Variants in CLSTN2 observed in about 807,000 individuals in gnomAD.
CLSTN2 encodes calsyntenin-2.
CLSTN2 carries 48 observed loss-of-function variants against 101.2 expected under a neutral mutation model. The observed-to-expected ratio is 0.47, with a 90% CI of 0.38 to 0.60. CLSTN2 has a LOEUF of 0.60. CLSTN2 is among the 20% of genes least tolerant of loss of function. The pLI is 0.00. For missense variants in CLSTN2, 1,160 were observed against 1,238.2 expected, an observed-to-expected ratio of 0.94 and a Z score of 0.95; for synonymous variants, 481 against 463.6, an observed-to-expected ratio of 1.04 and a Z score of -0.48.
In CLSTN2 at chr3:140,518,255, A is replaced by AAGGC. The variant is rs772745178; in HGVS notation, c.1345-14069_1345-14068insAGGC. Reference sequence around the variant, plus strand: ...TGAGAAAGCAAGCAGGGCTTTCAGGATTTATGCCTTCCCACCTGTAGCAAC... The same window carrying AAGGC: ...TGAGAAAGCAAGCAGGGCTTTCAGGAAGGCTTTATGCCTTCCCACCTGTAGCAAC... On this transcript the variant is annotated intron_variant, in intron 8 of 16. Coordinates refer to ENST00000458420, the MANE Select transcript of CLSTN2 (RefSeq NM_022131.3). 2.0e-3 allele frequency among the ~76,000 whole-genome samples: 309 copies of AAGGC among 152,266 alleles called. 3 individuals carry two copies. Among genetic ancestry groups the AAGGC allele is most frequent in the Admixed American group, 3.5e-3 (53 of 15,304 alleles).
intron 2 of CLSTN2, among the ~76,000 whole-genome samples, chr3:140,182,823 GT>G (rs2010429919): frequency 6.6e-6 from 1 of 152,190 alleles, no homozygotes; most frequent in African/African-American, 2.4e-5. Context: ...ATTGGAAGGA[GT>G]TTACTGGCAG....
chr3:140,198,806 C>T (rs2010681919), intron 2 of CLSTN2, among the ~76,000 whole-genome samples: 1 of 152,180 alleles, frequency 6.6e-6, no homozygotes, highest in African/African-American at 2.4e-5. Flanking sequence ...GGCTCTAAAA[C>T]AGTGGCTGAA....
intron 2 of CLSTN2, among the ~76,000 whole-genome samples, chr3:140,334,848 G>T (rs148287638): frequency 6.6e-6 from 1 of 152,322 alleles, no homozygotes; most frequent in East Asian, 1.9e-4. Flanking sequence ...CTTGAAGCCA[G>T]TCCAGCAATC....
chr3:140,362,318 A>G (rs1051540643), intron 2 of CLSTN2, among the ~76,000 whole-genome samples: 1 of 152,212 alleles, frequency 6.6e-6, no homozygotes. Flanking sequence ...AAAATGGATC[A>G]TTAATTAACT....
chr3:140,075,698 G>A (rs2008475321), intron 1 of CLSTN2, among the ~76,000 whole-genome samples: 2 of 152,152 alleles, frequency 1.3e-5, no homozygotes, highest in Admixed American at 6.5e-5. Context: ...AGTTGTTGTT[G>A]GGATGCAGAA....
At chr3:140,547,432 C>T (rs1013845793) in intron 10 of CLSTN2, among the ~76,000 whole-genome samples, 16 of 151,642 alleles carry the variant, frequency 1.1e-4, no homozygotes, top group African/African-American at 3.6e-4. Context: ...TAAGATCGCA[C>T]CAATGCACTC....
chr3:140,175,187 A>G (rs565151133), intron 1 of CLSTN2, among the ~76,000 whole-genome samples: 2 of 152,192 alleles, frequency 1.3e-5, no homozygotes, highest in Non-Finnish European at 2.9e-5. Flanking sequence ...TGAGATTCTA[A>G]GTGTTAGGAT....
Position 140,352,889 on chromosome 3 carries a change from G to A in CLSTN2, c.233-50740G>A, listed in dbSNP as rs1451699553. 4.6e-5 allele frequency among the ~76,000 whole-genome samples: 7 copies of A among 151,998 alleles called. No homozygotes were observed. The East Asian group carries it at 1.3e-3, about 29-fold the overall frequency. On this transcript the variant is annotated intron_variant, in intron 2 of 16. Transcript: ENST00000458420. The stretch of plus-strand genomic sequence containing the variant: ...TACTCAAGTTGCTAGTAATACAGTT[G>A]GCCCTCCATATCCATAAGTTCCTCA...
At chr3:139,985,809 T>C (rs1278298700) in intron 1 of CLSTN2, among the ~76,000 whole-genome samples, 2 of 152,232 alleles carry the variant, frequency 1.3e-5, no homozygotes, top group Non-Finnish European at 2.9e-5. Flanking sequence ...TAGGGCTTCC[T>C]TGGATTATGG....
intron 2 of CLSTN2, among the ~76,000 whole-genome samples, chr3:140,288,629 G>T (rs866890053): frequency 5.3e-5 from 8 of 152,070 alleles, no homozygotes; most frequent in South Asian, 2.1e-4. Context: ...CAATTGTTTT[G>T]ATTTTCCTTC....
Position 140,571,146 on chromosome 3 carries a change from C to G in CLSTN2, c.*4893C>G, listed in dbSNP as rs1297525147. On this transcript the variant is annotated 3_prime_UTR_variant, in exon 17 of 17. Transcript: ENST00000458420. ...CAGTGCCTTCCCAGCACAGCTCAGCCCATAATGATCTCTGAGCAGGAGTGT... is the reference window on the plus strand; with the variant it reads ...CAGTGCCTTCCCAGCACAGCTCAGCGCATAATGATCTCTGAGCAGGAGTGT... 3 of 152,170 alleles carry G rather than the reference C, an allele frequency of 2.0e-5. No individual in the cohort carries two copies. The highest frequency in any genetic ancestry group is 2.0e-4 in the Admixed American group (3 of 15,274). The allele number at this position is 152,170 out of a possible 1,614,324, so 9.4% of individuals were successfully genotyped here. A position where few individuals can be genotyped will look rare whatever the true frequency, so the allele number is the denominator to read the frequency against.
intron 2 of CLSTN2, among the ~76,000 whole-genome samples, chr3:140,371,088 T>A (rs2107957422): frequency 6.6e-6 from 1 of 152,250 alleles, no homozygotes; most frequent in Non-Finnish European, 1.5e-5. Context: ...CTGCAGAAAT[T>A]TTCTCACTTC....
intron 7 of CLSTN2, among the ~76,000 whole-genome samples, chr3:140,462,430 T>C (rs75970532): frequency 0.036 from 5,409 of 152,304 alleles, 156 homozygotes; most frequent in Non-Finnish European, 0.059. Context: ...ACATTTCTTA[T>C]TATTTCAGCC....
chr3:140,187,233 G>A (rs2010497798), intron 2 of CLSTN2, among the ~76,000 whole-genome samples: 1 of 152,120 alleles, frequency 6.6e-6, no homozygotes, highest in South Asian at 2.1e-4. Flanking sequence ...TCCCTGAGAT[G>A]AGCCTCCACA....
intron 1 of CLSTN2, among the ~76,000 whole-genome samples, chr3:140,000,001 TCCTCCCTCCCTC>T (rs55689931): frequency 1.3e-5 from 2 of 148,670 alleles, no homozygotes; most frequent in African/African-American, 4.9e-5. Context: ...AAGTTAAAGA[TCCTCCCTCCCTC>T]CCTCCCTCCC....
At chr3:140,291,255 C>T (rs926989405) in intron 2 of CLSTN2, among the ~76,000 whole-genome samples, 7 of 152,130 alleles carry the variant, frequency 4.6e-5, no homozygotes, top group African/African-American at 9.7e-5. Flanking sequence ...CAATGCCTTG[C>T]GTACTCATGG....
rs972422216 is a variant in CLSTN2 at position 140,175,850 on chromosome 3, G to A, written c.110-101G>A. 25 of 1,117,558 alleles carry A rather than the reference G, an allele frequency of 2.2e-5. No homozygotes were observed. In the African/African-American group the frequency reaches 3.3e-4, roughly 15 times the overall value. 69.2% of individuals were successfully genotyped at this position (1,117,558 alleles called of 1,614,324 possible). A position where few individuals can be genotyped will look rare whatever the true frequency, so the allele number is the denominator to read the frequency against. Reference sequence around the variant, plus strand: ...CATGTCTCTCATGGGATTGTTGGATGAGAGTCTATGATTGGGCAAATATAC... The same window carrying A: ...CATGTCTCTCATGGGATTGTTGGATAAGAGTCTATGATTGGGCAAATATAC... On this transcript the variant is annotated intron_variant, in intron 1 of 16. Coordinates refer to ENST00000458420, the MANE Select transcript of CLSTN2 (RefSeq NM_022131.3).
Position 140,448,655 on chromosome 3 carries a change from G to A in CLSTN2, c.924G>A (p.Lys308=). 1.2e-6 allele frequency: 2 copies of A among 1,614,110 alleles called. No individual in the cohort carries two copies. Among genetic ancestry groups the A allele is most frequent in the Non-Finnish European group, 1.7e-6 (2 of 1,179,950 alleles). Residue 308 remains lysine (K), a synonymous_variant, in exon 6 of 17, where the codon AAG becomes AAA. Transcript: ENST00000458420. ...VTELQTNYIG[K]GCDRETYSEK... ...AGCTGCAGACTAATTACATTGGGAAGGGTTGTGACCGGGAGACCTACTCTG... is the reference window on the plus strand; with the variant it reads ...AGCTGCAGACTAATTACATTGGGAAAGGTTGTGACCGGGAGACCTACTCTG...
intron 1 of CLSTN2, among the ~76,000 whole-genome samples, chr3:139,999,456 C>T (rs564933002): frequency 1.3e-5 from 2 of 152,046 alleles, no homozygotes; most frequent in East Asian, 3.9e-4. Context: ...GCATCCCATA[C>T]CTGCCTGCCT....
Sources: gnomAD v4.1 joint callset for allele counts (sites outside exome capture counted in the v4.1 genomes callset) on GRCh38, gnomAD v4.1.1 for gene constraint, MANE v1.5 for transcripts, NCBI Gene and HGNC (gene_info 2026-07-23, HGNC 2026-07-21) for gene names.